The following CLNK variants were observed in gnomAD, a reference collection of about 807,000 sequenced individuals.
The protein encoded by CLNK is cytokine-dependent hematopoietic cell linker.
CLNK carries 74 observed loss-of-function variants against 68.6 expected under a neutral mutation model. That is an observed-to-expected ratio of 1.08 (90% CI 0.89 to 1.31). CLNK has a LOEUF of 1.31. CLNK is among the 50% of genes most tolerant of loss of function. CLNK has a pLI of 0.00. For synonymous variants in CLNK, 198 were observed against 172.2 expected (o/e 1.15, Z -1.17); for missense variants, 553 against 515.3 (o/e 1.07, Z -0.71).
At chr4:10,525,752 C>T in intron 14 of CLNK, 89 bp downstream of exon 14, 1 of 742,406 alleles carries the variant, frequency 1.3e-6, no homozygotes, top group Non-Finnish European at 2.2e-6. Context: ...ACTTTCGTTT[C>T]TCAGAAAGTC....
chr4:10,608,019 A>G (rs16870515), intron 2 of CLNK, among the ~76,000 whole-genome samples: 1 of 152,146 alleles, frequency 6.6e-6, no homozygotes, highest in African/African-American at 2.4e-5. Flanking sequence ...GCAGCTGAAA[A>G]TCTAGTAGAA....
intron 15 of CLNK, among the ~76,000 whole-genome samples, chr4:10,516,581 T>C (rs1175885239): frequency 1.3e-5 from 2 of 151,772 alleles, no homozygotes; most frequent in African/African-American, 4.8e-5. Flanking sequence ...AGATGGAGTT[T>C]TGCTTTTGTT....
the CLNK span, among the ~76,000 whole-genome samples, chr4:10,707,317 T>A: frequency 3.9e-5 from 6 of 152,240 alleles, no homozygotes; most frequent in Non-Finnish European, 4.4e-5. Flanking sequence ...TGGCTGCATG[T>A]GGCCCATGGG....
rs1720365594 is a variant in CLNK at position 10,571,793 on chromosome 4, A to C, written c.113-15T>G. 1 of 1,609,378 alleles carries C rather than the reference A, an allele frequency of 6.2e-7. No homozygotes were observed. On this transcript the variant is annotated splice_polypyrimidine_tract_variant and intron_variant, in intron 4 of 18. Coordinates refer to ENST00000226951, the MANE Select transcript of CLNK (RefSeq NM_052964.4). ...CTGGTACTGGCCTGCCAACACAAAC[A>C]GACCGAGTGTTATTTTAATCACTGT... is the stretch of plus-strand genomic sequence containing the variant.
intron 2 of CLNK, among the ~76,000 whole-genome samples, chr4:10,600,182 A>G (rs1721539746): frequency 6.6e-6 from 1 of 151,862 alleles, no homozygotes; most frequent in Non-Finnish European, 1.5e-5. Context: ...CATTGATCTA[A>G]TTATTCTTTT....
intron 2 of CLNK, among the ~76,000 whole-genome samples, chr4:10,664,792 G>A (rs564440720): frequency 1.3e-5 from 2 of 152,352 alleles, no homozygotes; most frequent in African/African-American, 4.8e-5. Context: ...CAGGAAACCC[G>A]AAGGTGGAGA....
chr4:10,540,465 C>T, intron 11 of CLNK, 29 bp downstream of exon 11: 1 of 1,525,754 alleles, frequency 6.6e-7, no homozygotes, highest in Non-Finnish European at 9.1e-7. Flanking sequence ...TCTTGCTGGT[C>T]ATTTCACCAT....
At chr4:10,625,068 C>T (rs1281056963) in intron 2 of CLNK, among the ~76,000 whole-genome samples, 3 of 152,186 alleles carry the variant, frequency 2.0e-5, no homozygotes, top group Non-Finnish European at 4.4e-5. Context: ...GTGAACCCAT[C>T]TTTCATTCCC....
Position 10,679,428 on chromosome 4 carries a change from G to C in CLNK, c.-43+5240C>G, listed in dbSNP as rs1486627989. Among the ~76,000 whole-genome samples, 8 of 152,158 alleles carry C rather than the reference G, an allele frequency of 5.3e-5. No individual in the cohort carries two copies. In the East Asian group the frequency reaches 1.5e-3, roughly 29 times the overall value. On this transcript the variant is annotated intron_variant, in intron 1 of 18. Coordinates refer to ENST00000226951, the MANE Select transcript of CLNK (RefSeq NM_052964.4). ...CATAAAAACCCTAGAAGAAAACCTA[G>C]GCAATACCATTCAGGACATAGGCAT...
intron 3 of CLNK, among the ~76,000 whole-genome samples, chr4:10,595,089 A>C (rs1721336442): frequency 6.6e-6 from 1 of 151,292 alleles, no homozygotes; most frequent in African/African-American, 2.4e-5. Flanking sequence ...CTCAAAAAAA[A>C]CCAAACCAAA....
At chr4:10,515,452 T>A (rs1034389680) in intron 15 of CLNK, among the ~76,000 whole-genome samples, 1 of 152,182 alleles carries the variant, frequency 6.6e-6, no homozygotes, top group Non-Finnish European at 1.5e-5. Context: ...AACACCATTT[T>A]TTTTTTTTCA....
At chr4:10,711,451 T>C in the CLNK span, among the ~76,000 whole-genome samples, 3 of 152,296 alleles carry the variant, frequency 2.0e-5, no homozygotes, top group East Asian at 5.8e-4. Context: ...ATAAAAAGTA[T>C]ATATTAATCC....
chr4:10,602,087 C>T (rs1030886872), intron 2 of CLNK, among the ~76,000 whole-genome samples: 2 of 152,222 alleles, frequency 1.3e-5, no homozygotes, highest in Admixed American at 6.5e-5. Flanking sequence ...TCAGGTCCAA[C>T]ACTTTGCATT....
At chr4:10,545,270 T>G (rs934585036) in intron 8 of CLNK, among the ~76,000 whole-genome samples, 4 of 152,122 alleles carry the variant, frequency 2.6e-5, no homozygotes, top group African/African-American at 9.7e-5. Flanking sequence ...AAGATGCAAT[T>G]GTGGGGCAAG....
intron 5 of CLNK, among the ~76,000 whole-genome samples, chr4:10,568,721 C>T (rs902133054): frequency 6.6e-6 from 1 of 152,212 alleles, no homozygotes; most frequent in Non-Finnish European, 1.5e-5. Context: ...CCGAAAGAAT[C>T]TGGAAGCAAG....
rs1390285445 is a variant in CLNK, at chr4:10,676,389, A to ATATC, written c.-43+8278_-43+8279insGATA. On this transcript the variant is annotated intron_variant, in intron 1 of 18. Coordinates refer to ENST00000226951, the MANE Select transcript of CLNK (RefSeq NM_052964.4). ...GAAGTCAAATGCATTGTTATTATAG[A>ATATC]TTTCTTTTTTTTTTTTTTTGAGGGG... Among the ~76,000 whole-genome samples the ATATC allele has an allele frequency of 5.3e-5, 4 of 74,814 alleles. No homozygotes were observed. The Admixed American group carries it at 7.4e-4, about 14-fold the overall frequency. The allele number at this position is 74,814 out of a possible 152,430, so 49.1% of individuals were successfully genotyped here.
intron 2 of CLNK, among the ~76,000 whole-genome samples, chr4:10,620,324 T>C (rs1291037888): frequency 6.6e-6 from 1 of 152,178 alleles, no homozygotes; most frequent in African/African-American, 2.4e-5. Flanking sequence ...CATTGCTTTG[T>C]CCTTTTCAGA....
chr4:10,646,936 G>A (rs1442043788), intron 2 of CLNK, among the ~76,000 whole-genome samples: 2 of 152,216 alleles, frequency 1.3e-5, no homozygotes, highest in Non-Finnish European at 2.9e-5. Flanking sequence ...CTCCACTGAA[G>A]AAATATGTGT....
the CLNK span, among the ~76,000 whole-genome samples, chr4:10,699,222 A>ACACACACATACACACCACGTT: frequency 2.5e-5 from 1 of 39,238 alleles, no homozygotes; most frequent in Non-Finnish European, 5.6e-5. Flanking sequence ...CACACCACAT[A>ACACACACATACACACCACGTT]TGTGTGTGTA....
Sources: gnomAD v4.1 joint callset for allele counts (sites outside exome capture counted in the v4.1 genomes callset) on GRCh38, gnomAD v4.1.1 for gene constraint, MANE v1.5 for transcripts, NCBI Gene and HGNC (gene_info 2026-07-23, HGNC 2026-07-21) for gene names.